The following NR1H4 variants were observed in gnomAD, a reference collection of about 807,000 sequenced individuals.
NR1H4 encodes the protein bile acid receptor.
In NR1H4, 23 loss-of-function variants were observed where a neutral mutation model predicts 58.5. The ratio of observed to expected loss-of-function variants is 0.39; its 90% CI spans 0.28 to 0.56. The LOEUF (loss-of-function observed/expected upper bound fraction) is 0.56. Among genes scored for constraint, NR1H4 ranks in the 20% least tolerant of loss-of-function variants. The probability of loss-of-function intolerance (pLI) is 0.58; values close to 1 mark genes in which losing one functional copy is unlikely to be tolerated. For synonymous variants in NR1H4, 214 were observed against 198.0 expected, an observed-to-expected ratio of 1.08 and a Z score of -0.68; for missense variants, 487 against 576.9, an observed-to-expected ratio of 0.84 and a Z score of 1.60.
At chr12:100,524,803 C>T (rs577716913) in intron 4 of NR1H4, among the ~76,000 whole-genome samples, 83 of 152,146 alleles carry the variant, frequency 5.5e-4, no homozygotes, top group Middle Eastern at 6.8e-3. Context: ...TGTGGATAGT[C>T]TTTATTTATT....
At chr12:100,517,630 C>A (rs1379196786) in intron 4 of NR1H4, among the ~76,000 whole-genome samples, 1 of 152,156 alleles carries the variant, frequency 6.6e-6, no homozygotes, top group East Asian at 1.9e-4. Context: ...TATGACTACA[C>A]AAATTTACAC....
intron 4 of NR1H4, among the ~76,000 whole-genome samples, chr12:100,514,564 C>T (rs1034913137): frequency 4.6e-5 from 7 of 152,078 alleles, no homozygotes; most frequent in Non-Finnish European, 7.3e-5. Flanking sequence ...AGCAACCCCC[C>T]ACTTGTGACA....
intron 8 of NR1H4, among the ~76,000 whole-genome samples, chr12:100,538,032 C>A (rs1832969761): frequency 1.3e-5 from 2 of 152,166 alleles, no homozygotes; most frequent in South Asian, 4.2e-4. Context: ...TGTTATAAGG[C>A]ACTGAGGCAT....
intron 1 of NR1H4, among the ~76,000 whole-genome samples, chr12:100,480,896 G>T (rs941192969): frequency 1.3e-5 from 2 of 152,170 alleles, no homozygotes; most frequent in Non-Finnish European, 2.9e-5. Flanking sequence ...GTCTTGATGT[G>T]GCCGTCAGCT....
At chr12:100,543,689 ATGGG>A (rs1045770051) in intron 9 of NR1H4, among the ~76,000 whole-genome samples, 6 of 151,978 alleles carry the variant, frequency 3.9e-5, no homozygotes, top group African/African-American at 1.5e-4. Flanking sequence ...AATTTTCCTG[ATGGG>A]TGGTTTAGCT....
chr12:100,557,968 T>A (rs891852580), intron 9 of NR1H4, among the ~76,000 whole-genome samples: 1 of 152,126 alleles, frequency 6.6e-6, no homozygotes, highest in African/African-American at 2.4e-5. Context: ...TGTTTTTCTG[T>A]CACCACGATT....
intron 9 of NR1H4, among the ~76,000 whole-genome samples, chr12:100,551,880 C>T (rs1351661310): frequency 6.6e-6 from 1 of 152,176 alleles, no homozygotes; most frequent in Non-Finnish European, 1.5e-5. Context: ...TCTAAATCAC[C>T]TCCAGATGAC....
intron 9 of NR1H4, among the ~76,000 whole-genome samples, chr12:100,546,697 AAAAC>A (rs538848970): frequency 3.0e-4 from 45 of 152,128 alleles, no homozygotes; most frequent in African/African-American, 3.6e-4. Context: ...TCTGTCTCAA[AAAAC>A]AAACAAACAA....
rs1439016382 is a variant in NR1H4 at position 100,561,974 on chromosome 12, A to T, written c.1168A>T (p.Thr390Ser). ...KMTQEEYALLTAIVILSPDRQ... is the reference protein window; with the variant it reads ...KMTQEEYALLSAIVILSPDRQ... ...GACTCAAGAGGAGTATGCTCTGCTT[A>T]CAGCAATTGTTATCCTGTCTCCAGG... is the stretch of plus-strand genomic sequence containing the variant. The change falls in exon 10 of 11, where the codon ACA becomes TCA. Residue 390 changes from threonine to serine, a missense_variant. Physicochemically the swap from Thr to Ser is moderately conservative, Grantham distance 58 (BLOSUM62 1). Coordinates refer to ENST00000392986, the MANE Select transcript of NR1H4 (RefSeq NM_001206979.2). 6.4e-7 allele frequency: 1 copy of T among 1,550,660 alleles called. No individual in the cohort carries two copies. Among genetic ancestry groups the T allele is most frequent in the Non-Finnish European group, 8.9e-7 (1 of 1,122,480 alleles).
intron 9 of NR1H4, among the ~76,000 whole-genome samples, chr12:100,550,373 A>AT (rs924726069): frequency 3.0e-4 from 46 of 151,738 alleles, no homozygotes; most frequent in African/African-American, 1.0e-3. Flanking sequence ...TTTTGTTTTG[A>AT]TTTTTTTTGA....
At chr12:100,500,507 T>A (rs1953809958) in intron 3 of NR1H4, among the ~76,000 whole-genome samples, 1 of 152,226 alleles carries the variant, frequency 6.6e-6, no homozygotes, top group Non-Finnish European at 1.5e-5. Flanking sequence ...GTGACTGGTG[T>A]GACTGAGGAA....
chr12:100,513,149 G>A (rs1593075393), intron 4 of NR1H4, among the ~76,000 whole-genome samples: 1 of 152,076 alleles, frequency 6.6e-6, no homozygotes, highest in African/African-American at 2.4e-5. Flanking sequence ...TTATACATTC[G>A]TTGGAAGCAT....
At chr12:100,561,769 T>C (rs1955480495) in intron 9 of NR1H4, 116 bp from the exon 10 acceptor site, 2 of 650,550 alleles carry the variant, frequency 3.1e-6, no homozygotes, top group Non-Finnish European at 5.6e-6. Context: ...TAGTCATTAT[T>C]TGAATGTGTG....
Position 100,510,876 on chromosome 12 carries a change from C to T in NR1H4, c.178C>T (p.Gln60Ter), listed in dbSNP as rs1954094709. 6.2e-7 allele frequency: 1 copy of T among 1,614,056 alleles called. No homozygotes were observed. The highest frequency in any genetic ancestry group is 1.7e-5 in the Admixed American group (1 of 59,998). The stretch of plus-strand genomic sequence containing the variant: ...TGTTCAGTTTCCCCAAGTTCAACCA[C>T]AGATTTCCTCGTCATCCTATTATTC... ...SNVQFPQVQP[Q>*]ISSSSYYSNL... The change falls in exon 4 of 11, where the codon CAG (glutamine) becomes TAG (stop). Residue 60 changes from glutamine (Q) to a stop codon, truncating the protein, a stop_gained. Coordinates refer to ENST00000392986, the MANE Select transcript of NR1H4 (RefSeq NM_001206979.2). LOFTEE classifies it high-confidence loss of function.
chr12:100,483,649 G>A (rs1044884475), intron 1 of NR1H4, among the ~76,000 whole-genome samples: 2 of 152,092 alleles, frequency 1.3e-5, no homozygotes, highest in Non-Finnish European at 2.9e-5. Flanking sequence ...AAAATAAAAC[G>A]TTTTTTCTTT....
chr12:100,559,051 AGGCAG>A (rs995594482), intron 9 of NR1H4, among the ~76,000 whole-genome samples: 17 of 152,382 alleles, frequency 1.1e-4, no homozygotes, highest in African/African-American at 4.1e-4. Context: ...ATAGTTAGAT[AGGCAG>A]GGGACAGGTC....
At chr12:100,530,829 A>G (rs998801325) in intron 4 of NR1H4, among the ~76,000 whole-genome samples, 1 of 152,188 alleles carries the variant, frequency 6.6e-6, no homozygotes, top group African/African-American at 2.4e-5. Flanking sequence ...CCCAAGCCCA[A>G]TGAAAGAGTC....
Position 100,555,938 on chromosome 12 carries a change from G to A in NR1H4, c.1079-5947G>A, listed in dbSNP as rs35521486. Among the ~76,000 whole-genome samples, 551 of 152,106 alleles carry A rather than the reference G, an allele frequency of 3.6e-3. 3 individuals are homozygous for A. Among genetic ancestry groups the A allele is most frequent in the African/African-American group, 0.012 (518 of 41,512 alleles). ...GTATTTAGTTCATTCTGTAACAGCT[G>A]GATAAAGGGCAATCTTCCACATGAT... On this transcript the variant is annotated intron_variant, in intron 9 of 10. Transcript: ENST00000392986.
intron 9 of NR1H4, among the ~76,000 whole-genome samples, chr12:100,556,479 A>C (rs915122206): frequency 1.3e-5 from 2 of 151,606 alleles, no homozygotes; most frequent in Non-Finnish European, 2.9e-5. Flanking sequence ...AAGAAAAAAA[A>C]AACAAAAAAC....
Sources: allele counts gnomAD v4.1 joint callset (sites outside exome capture counted in the v4.1 genomes callset), GRCh38; gene constraint gnomAD v4.1.1; transcripts MANE v1.5; gene names NCBI Gene and HGNC (gene_info 2026-07-23, HGNC 2026-07-21).